CD7: variants seen among roughly 807,000 people sequenced by gnomAD.
CD7 encodes the protein T-cell antigen CD7.
Under a neutral mutation model 17.6 loss-of-function variants are expected in CD7, and 19 were observed. The ratio of observed to expected loss-of-function variants is 1.08; its 90% CI spans 0.75 to 1.58. The LOEUF (loss-of-function observed/expected upper bound fraction) is 1.58, where lower values mean the gene tolerates loss of function less well. Among genes scored for constraint, CD7 ranks in the 40% most tolerant of loss-of-function variants. The probability of loss-of-function intolerance (pLI) is 0.00; values close to 1 mark genes in which losing one functional copy is unlikely to be tolerated. For synonymous variants in CD7, 160 were observed against 159.8 expected, an observed-to-expected ratio of 1.00 and a Z score of -0.01; for missense variants, 291 against 327.1, an observed-to-expected ratio of 0.89 and a Z score of 0.85.
rs768960324 is a variant in CD7 at position 82,316,405 on chromosome 17, T to C, written c.402A>G (p.Glu134=). ...AGCATCTGTGCCATCCTTGGGACTG[T>C]TCCTCTGAGAAGGAAAAAAGAAGGA... ...GSGTLVLVTE[E]QSQGWHRCSD... is the part of the protein sequence containing the mutation. The change falls in exon 3 of 4, where the codon GAA becomes GAG. Residue 134 remains glutamate, a synonymous_variant. Transcript: ENST00000312648. The C allele has an allele frequency of 2.5e-6, 4 of 1,572,716 alleles. No individual in the cohort carries two copies. Among genetic ancestry groups the C allele is most frequent in the Middle Eastern group, 1.7e-4 (1 of 5,926 alleles).
At chr17:82,315,610 G>A (rs1001155664) in intron 3 of CD7, 179 bp from the exon 4 acceptor site, 8 of 589,154 alleles carry the variant, frequency 1.4e-5, no homozygotes, top group South Asian at 9.7e-5. Flanking sequence ...GGGCTGGGTC[G>A]GACCCTGGGG....
Position 82,316,283 on chromosome 17 carries a change from G to GT in CD7, c.523_524insA (p.Ala175AspfsTer40), listed in dbSNP as rs569923406. 11 of 1,462,786 alleles carry GT rather than the reference G, an allele frequency of 7.5e-6. No individual in the cohort carries two copies. The highest frequency in any genetic ancestry group is 4.7e-5 in the South Asian group (4 of 84,726). The allele number at this position is 1,462,786 out of a possible 1,614,324, so 90.6% of individuals were successfully genotyped here. Reference sequence around the variant, plus strand: ...CAGGGCCGCAGGGAGGGCAGAGGCTGCTGGCGGGTCAGGGAGGGCAGAGGC... The same window carrying GT: ...CAGGGCCGCAGGGAGGGCAGAGGCTGTCTGGCGGGTCAGGGAGGGCAGAGGC... On this transcript the variant is annotated frameshift_variant, in exon 3 of 4. Coordinates refer to ENST00000312648, the MANE Select transcript of CD7 (RefSeq NM_006137.7). LOFTEE classifies it high-confidence loss of function.
chr17:82,316,698 G>A lies in CD7; in HGVS notation c.366C>T (p.Val122=). The change falls in exon 2 of 4, where the codon GTC becomes GTT. Residue 122 remains valine (V), a synonymous_variant. Transcript: ENST00000312648. ...CCAGGACCAGGGTGCCGGAGCCGTA[G>A]ACATTGACCTCCGTGATGGCCTGGC... The part of the protein sequence containing the change: ...YTCQAITEVN[V]YGSGTLVLVT... The A allele has an allele frequency of 6.2e-7, 1 of 1,613,354 alleles. No homozygotes were observed. Among genetic ancestry groups the A allele is most frequent in the Non-Finnish European group, 8.5e-7 (1 of 1,180,010 alleles).
chr17:82,315,985 AG>A, intron 3 of CD7: 1 of 615,988 alleles, frequency 1.6e-6, no homozygotes. Flanking sequence ...ACGCGGGCCC[AG>A]CGCCTGGGCT....
intron 3 of CD7, 164 bp downstream of exon 3, chr17:82,316,031 C>T: frequency 1.3e-6 from 1 of 785,474 alleles, no homozygotes; most frequent in Admixed American, 2.3e-5. Context: ...GGTGCTGGTC[C>T]CCCTCCCTCC....
At chr17:82,315,832 C>T in intron 3 of CD7, 2 of 591,498 alleles carry the variant, frequency 3.4e-6, no homozygotes, top group South Asian at 4.2e-5. Context: ...GAGATCCCCA[C>T]ACACAGGCTC....
rs367864176 is a variant in CD7, at chr17:82,316,841, C to T, written c.223G>A (p.Gly75Arg). ...CGTCTGTCCGTAGTGGGCACCACCC[C>T]GTCCTCGTAGTAAATGATGTCTTGG... ...QPQDIIYYED[G>R]VVPTTDRRFR... Residue 75 changes from glycine to arginine, a missense_variant, in exon 2 of 4, where the codon GGG (glycine) becomes AGG (arginine). Physicochemically the swap from Gly to Arg is moderately radical, Grantham distance 125. Transcript: ENST00000312648. 4.9e-5 allele frequency: 79 copies of T among 1,613,946 alleles called. No individual in the cohort carries two copies. Among genetic ancestry groups the T allele is most frequent in the East Asian group, 8.9e-5 (4 of 44,890 alleles).
intron 3 of CD7, chr17:82,315,672 A>G (rs1314929651): frequency 3.6e-6 from 2 of 550,630 alleles, no homozygotes; most frequent in Non-Finnish European, 6.6e-6. Flanking sequence ...ACCAAGCCCA[A>G]GCCAAGCGGG....
intron 1 of CD7, 113 bp from the exon 2 acceptor site, chr17:82,317,094 T>C: frequency 2.0e-6 from 2 of 1,019,028 alleles, no homozygotes; most frequent in Non-Finnish European, 2.8e-6. Flanking sequence ...AGGGCTGACA[T>C]GTCGCCAAAG....
rs149252844 is a variant in CD7, at chr17:82,316,340, G to T, written c.467C>A (p.Pro156Gln). 1 of 1,588,802 alleles carries T rather than the reference G, an allele frequency of 6.3e-7. No homozygotes were observed. The highest frequency in any genetic ancestry group is 8.6e-7 in the Non-Finnish European group (1 of 1,167,154). The change falls in exon 3 of 4, where the codon CCG becomes CAG. Residue 156 changes from proline to glutamine, a missense_variant. Coordinates refer to ENST00000312648, the MANE Select transcript of CD7 (RefSeq NM_006137.7). ...CGGGTCAGGGAGGGCGGAGCCTGTC[G>T]GTGGGGCAGGGAGGGCAGAGGCCCT... ...PPRASALPAP[P>Q]TGSALPDPQT...
intron 1 of CD7, 74 bp from the exon 2 acceptor site, chr17:82,317,055 G>T (rs777692488): frequency 1.9e-5 from 25 of 1,320,332 alleles, no homozygotes; most frequent in Non-Finnish European, 2.3e-5. Flanking sequence ...GGGGACAGTG[G>T]TGGGGATGGT....
At chr17:82,316,463 C>A (rs2052016914) in intron 2 of CD7, 54 bp from the exon 3 acceptor site, 2 of 1,475,990 alleles carry the variant, frequency 1.4e-6, no homozygotes, top group Admixed American at 2.3e-5. Flanking sequence ...CTGTTAGAGC[C>A]CCCGGGGTTT....
Position 82,317,443 on chromosome 17 carries a change from C to T in CD7, c.53G>A (p.Arg18His), listed in dbSNP as rs773179275. ...LLLPLLLALA[R>H]GLPGALAAQE... is the part of the protein sequence containing the mutation. ...GGCAGCCAGGGCCCCAGGCAGGCCG[C>T]GAGCCAGCGCCAGAAGCAGGGGCAG... Residue 18 changes from arginine to histidine, a missense_variant, in exon 1 of 4, where the codon CGC becomes CAC. Transcript: ENST00000312648. The T allele has an allele frequency of 8.9e-6, 14 of 1,566,510 alleles. No individual in the cohort carries two copies. Among genetic ancestry groups the T allele is most frequent in the Middle Eastern group, 1.8e-4 (1 of 5,590 alleles).
Position 82,315,098 on chromosome 17 carries a change from G to A in CD7, c.*223C>T. 1 of 519,254 alleles carries A rather than the reference G, an allele frequency of 1.9e-6. No individual in the cohort carries two copies. 32.2% of individuals were successfully genotyped at this position (519,254 alleles called of 1,614,324 possible). A position where few individuals can be genotyped will look rare whatever the true frequency, so the allele number is the denominator to read the frequency against. Reference sequence around the variant, plus strand: ...TCCTCCCGGTGGCGGCGTGGGCTGGGCAGGGAAGGCTTCCCGGAGGAGGCA... The same window carrying A: ...TCCTCCCGGTGGCGGCGTGGGCTGGACAGGGAAGGCTTCCCGGAGGAGGCA... On this transcript the variant is annotated 3_prime_UTR_variant, in exon 4 of 4. Transcript: ENST00000312648.
Position 82,315,371 on chromosome 17 carries a change from T to C in CD7, c.673A>G (p.Met225Val), listed in dbSNP as rs2051998846. The change falls in exon 4 of 4, where the codon ATG becomes GTG. Residue 225 changes from methionine (M) to valine (V), a missense_variant. Physicochemically the swap from Met to Val is conservative, Grantham distance 21 (BLOSUM62 1). Transcript: ENST00000312648. ...AGCGTGTTGCAGCGGCTGTGCGACA[T>C]GTCCTCGTACACCACACATGCCGCC... ...NSAACVVYED[M>V]SHSRCNTLSS... The C allele has an allele frequency of 6.2e-7, 1 of 1,613,416 alleles. No individual in the cohort carries two copies.
Position 82,315,288 on chromosome 17 carries a change from G to T in CD7, c.*33C>A. 1.6e-6 allele frequency: 2 copies of T among 1,225,046 alleles called. No homozygotes were observed. Among genetic ancestry groups the T allele is most frequent in the Non-Finnish European group, 2.2e-6 (2 of 889,706 alleles). 75.9% of individuals were successfully genotyped at this position (1,225,046 alleles called of 1,614,324 possible). A position where few individuals can be genotyped will look rare whatever the true frequency, so the allele number is the denominator to read the frequency against. ...GGTGGGGCAGGGAAGGTGCTGGGGGGACCACAGGCGGGACGTGCAGGGGCC... is the reference window on the plus strand; with the variant it reads ...GGTGGGGCAGGGAAGGTGCTGGGGGTACCACAGGCGGGACGTGCAGGGGCC... On this transcript the variant is annotated 3_prime_UTR_variant, in exon 4 of 4. Transcript: ENST00000312648.
chr17:82,315,223 G>A lies in CD7; in HGVS notation c.*98C>T. 1.3e-6 allele frequency: 1 copy of A among 782,690 alleles called. No homozygotes were observed. Among genetic ancestry groups the A allele is most frequent in the South Asian group, 1.5e-5 (1 of 66,234 alleles). The allele number at this position is 782,690 out of a possible 1,614,324, so 48.5% of individuals were successfully genotyped here. A position where few individuals can be genotyped will look rare whatever the true frequency, so the allele number is the denominator to read the frequency against. ...CCTTCAAACTCTGCTGCAGCCGTGG[G>A]AGGACAGCAGGGTGAGGGGTGTGGC... On this transcript the variant is annotated 3_prime_UTR_variant, in exon 4 of 4. Coordinates refer to ENST00000312648, the MANE Select transcript of CD7 (RefSeq NM_006137.7).
At position 82,317,526 on chromosome 17, in the gene CD7, G is replaced by A. The variant is rs758336505; in HGVS notation, c.-31C>T. The A allele has an allele frequency of 1.6e-5, 24 of 1,533,446 alleles. No individual in the cohort carries two copies. Among genetic ancestry groups the A allele is most frequent in the South Asian group, 2.4e-5 (2 of 82,612 alleles). 95.0% of individuals were successfully genotyped at this position (1,533,446 alleles called of 1,614,324 possible). A position where few individuals can be genotyped will look rare whatever the true frequency, so the allele number is the denominator to read the frequency against. On this transcript the variant is annotated 5_prime_UTR_variant, in exon 1 of 4. Coordinates refer to ENST00000312648, the MANE Select transcript of CD7 (RefSeq NM_006137.7). ...CCACACCCAGCTCTCCCAGCCGGGC[G>A]AGTGCAGCTGAGCCTCTCTGGGTCT...
chr17:82,317,402 G>A lies in CD7; in HGVS notation c.82+12C>T. 3 of 1,550,574 alleles carry A rather than the reference G, an allele frequency of 1.9e-6. No individual in the cohort carries two copies. The highest frequency in any genetic ancestry group is 1.8e-4 in the Middle Eastern group (1 of 5,460). ...TGGAGCTGTGGCCATGGAGAGCCTGGGAAGCTCTTACCTTGGGCAGCCAGG... is the reference window on the plus strand; with the variant it reads ...TGGAGCTGTGGCCATGGAGAGCCTGAGAAGCTCTTACCTTGGGCAGCCAGG... On this transcript the variant is annotated intron_variant, in intron 1 of 3. Coordinates refer to ENST00000312648, the MANE Select transcript of CD7 (RefSeq NM_006137.7).
Sources: gnomAD v4.1 joint callset for allele counts on GRCh38, gnomAD v4.1.1 for gene constraint, MANE v1.5 for transcripts, NCBI Gene and HGNC (gene_info 2026-07-23, HGNC 2026-07-21) for gene names.